Variants in YES1 observed in about 807,000 individuals in gnomAD.
YES1 encodes YES proto-oncogene 1, Src family tyrosine kinase.
A neutral mutation model predicts 70.4 loss-of-function variants in YES1; 39 were observed. That is an observed-to-expected ratio of 0.55 (90% confidence interval 0.43 to 0.72). The LOEUF is 0.72. Among genes scored for constraint, YES1 ranks in the 30% least tolerant of loss-of-function variants. The pLI is 0.00. For synonymous variants in YES1, 198 were observed against 218.6 expected, an observed-to-expected ratio of 0.91 and a Z score of 0.83; for missense variants, 495 against 644.8, an observed-to-expected ratio of 0.77 and a Z score of 2.52.
intron 8 of YES1, among the ~76,000 whole-genome samples, chr18:740,828 T>C (rs907541012): frequency 2.0e-5 from 3 of 152,242 alleles, no homozygotes; most frequent in African/African-American, 7.2e-5. Flanking sequence ...AAAATTAATA[T>C]ACAGAGCTAA....
intron 2 of YES1, among the ~76,000 whole-genome samples, chr18:752,919 G>A (rs2145731005): frequency 6.6e-6 from 1 of 152,126 alleles, no homozygotes; most frequent in South Asian, 2.1e-4. Context: ...CTGTAGCCTG[G>A]GTGACACAGC....
intron 9 of YES1, 147 bp downstream of exon 9, chr18:739,588 G>A (rs2080193211): frequency 1.7e-6 from 1 of 603,640 alleles, no homozygotes; most frequent in Non-Finnish European, 2.7e-6. Flanking sequence ...CACCCTGGGT[G>A]ACAGAATGAG....
intron 1 of YES1, among the ~76,000 whole-genome samples, chr18:778,192 T>C (rs1025356433): frequency 1.6e-4 from 24 of 152,218 alleles, no homozygotes; most frequent in African/African-American, 5.5e-4. Flanking sequence ...GGGCTAAAAG[T>C]AGGCAAAACT....
intron 10 of YES1, among the ~76,000 whole-genome samples, chr18:735,161 C>CAAAAAAAAAAAAAA (rs71174281): frequency 9.9e-5 from 11 of 110,676 alleles, no homozygotes; most frequent in African/African-American, 2.0e-4. Context: ...TGTCTCAAAG[C>CAAAAAAAAAAAAAA]AAAAAAAAAA....
At chr18:764,934 C>T (rs1204324924) in intron 1 of YES1, among the ~76,000 whole-genome samples, 3 of 151,642 alleles carry the variant, frequency 2.0e-5, no homozygotes, top group Non-Finnish European at 2.9e-5. Context: ...CCGGGTTTCA[C>T]TATGTTGGCC....
chr18:778,154 G>A (rs147635898), intron 1 of YES1, among the ~76,000 whole-genome samples: 210 of 152,306 alleles, frequency 1.4e-3, no homozygotes, highest in Non-Finnish European at 2.2e-3. Context: ...ATGGAGAGAG[G>A]TTATTACATG....
At chr18:766,637 C>T (rs1568205670) in intron 1 of YES1, among the ~76,000 whole-genome samples, 3 of 152,008 alleles carry the variant, frequency 2.0e-5, no homozygotes. Context: ...AGTGATATCC[C>T]TTTGTGGTTT....
intron 10 of YES1, among the ~76,000 whole-genome samples, chr18:734,776 T>C (rs974473736): frequency 1.3e-5 from 2 of 151,668 alleles, no homozygotes; most frequent in African/African-American, 4.8e-5. Context: ...GTACAACCAC[T>C]ATGGAAAACA....
At chr18:741,480 C>T (rs1242649141) in intron 8 of YES1, among the ~76,000 whole-genome samples, 1 of 152,082 alleles carries the variant, frequency 6.6e-6, no homozygotes, top group Non-Finnish European at 1.5e-5. Flanking sequence ...CCCTCCCTTC[C>T]CCTCTGGTTC....
At chr18:770,811 T>C (rs560677962) in intron 1 of YES1, among the ~76,000 whole-genome samples, 36 of 152,194 alleles carry the variant, frequency 2.4e-4, no homozygotes, top group African/African-American at 8.7e-4. Context: ...TGTGGAGGTG[T>C]GGGGGTTGAC....
intron 11 of YES1, among the ~76,000 whole-genome samples, chr18:729,929 T>A (rs1267761423): frequency 6.6e-6 from 1 of 152,112 alleles, no homozygotes; most frequent in African/African-American, 2.4e-5. Flanking sequence ...CCAGCCAGAT[T>A]TTGAACTCTT....
chr18:728,358 C>T (rs2080046749), intron 11 of YES1, among the ~76,000 whole-genome samples: 1 of 152,026 alleles, frequency 6.6e-6, no homozygotes, highest in African/African-American at 2.4e-5. Context: ...TCATATACAC[C>T]TTATACATAT....
chr18:749,075 C>T (rs1389817043), intron 3 of YES1, among the ~76,000 whole-genome samples: 2 of 152,120 alleles, frequency 1.3e-5, no homozygotes, highest in African/African-American at 4.8e-5. Context: ...TCAGTAGAAT[C>T]GCTTGAACCT....
chr18:771,930 A>C (rs1171232439), intron 1 of YES1, among the ~76,000 whole-genome samples: 1 of 152,134 alleles, frequency 6.6e-6, no homozygotes, highest in Non-Finnish European at 1.5e-5. Flanking sequence ...TGAAGAAGGG[A>C]TTTTATTGTA....
chr18:768,362 G>A (rs2145771983), intron 1 of YES1, among the ~76,000 whole-genome samples: 1 of 152,254 alleles, frequency 6.6e-6, no homozygotes, highest in East Asian at 1.9e-4. Flanking sequence ...AGATCAATCT[G>A]GGGAGAAATG....
chr18:740,565 G>C (rs1201862861), intron 8 of YES1, among the ~76,000 whole-genome samples: 3 of 152,158 alleles, frequency 2.0e-5, no homozygotes, highest in African/African-American at 7.2e-5. Context: ...CCAGGTCAAA[G>C]AGAAAACATG....
chr18:783,608 A>G (rs1381681295), intron 1 of YES1, among the ~76,000 whole-genome samples: 2 of 143,310 alleles, frequency 1.4e-5, no homozygotes, highest in East Asian at 2.0e-4. Flanking sequence ...TACATGTATC[A>G]ATTTTTCTCT....
At chr18:808,283 A>G (rs544297996) in intron 1 of YES1, among the ~76,000 whole-genome samples, 1 of 152,314 alleles carries the variant, frequency 6.6e-6, no homozygotes, top group African/African-American at 2.4e-5. Context: ...TACTGTTACT[A>G]TAGCTCCTTT....
At chr18:767,394 G>A (rs1364782778) in intron 1 of YES1, among the ~76,000 whole-genome samples, 3 of 151,960 alleles carry the variant, frequency 2.0e-5, no homozygotes, top group Non-Finnish European at 4.4e-5. Context: ...CAAGCAATTC[G>A]CCTGCCTCAG....
Sources: gnomAD v4.1 joint callset for allele counts (sites outside exome capture counted in the v4.1 genomes callset) on GRCh38, gnomAD v4.1.1 for gene constraint, MANE v1.5 for transcripts, NCBI Gene and HGNC (gene_info 2026-07-23, HGNC 2026-07-21) for gene names.